The following PRKACB variants were observed in gnomAD, a reference collection of about 807,000 sequenced individuals.
PRKACB encodes the protein cAMP-dependent protein kinase catalytic subunit beta.
PRKACB carries 16 observed loss-of-function variants against 51.4 expected under a neutral mutation model. That is an observed-to-expected ratio of 0.31 (90% CI 0.21 to 0.47). PRKACB has a LOEUF of 0.47. Among genes scored for constraint, PRKACB ranks in the 20% least tolerant of loss-of-function variants. The pLI is 1.00. For synonymous variants in PRKACB, 147 were observed against 154.4 expected (o/e 0.95, Z 0.35); for missense variants, 309 against 464.5 (o/e 0.67, Z 3.08).
chr1:84,187,654 A>C (rs145824665), intron 5 of PRKACB, among the ~76,000 whole-genome samples: 2 of 152,312 alleles, frequency 1.3e-5, no homozygotes, highest in African/African-American at 4.8e-5. Flanking sequence ...AACCTAGAAG[A>C]ATTTAGGACC....
chr1:84,234,020 C>G (rs1458879823), intron 9 of PRKACB, among the ~76,000 whole-genome samples: 2 of 151,594 alleles, frequency 1.3e-5, no homozygotes, highest in Non-Finnish European at 3.0e-5. Flanking sequence ...TTTTTCTGCT[C>G]TGTTTTTTCC....
chr1:84,200,458 C>A (rs1309564962), intron 7 of PRKACB, among the ~76,000 whole-genome samples: 3 of 152,094 alleles, frequency 2.0e-5, no homozygotes, highest in South Asian at 4.1e-4. Flanking sequence ...TTGATAGTTT[C>A]TTTTGCTGTG....
chr1:84,079,918 G>A (rs996048549), intron 1 of PRKACB, among the ~76,000 whole-genome samples: 1 of 151,544 alleles, frequency 6.6e-6, no homozygotes, highest in African/African-American at 2.4e-5. Flanking sequence ...CACCCACCTC[G>A]GCCTCCCAAA....
chr1:84,118,271 G>A (rs146034757), intron 1 of PRKACB, among the ~76,000 whole-genome samples: 1 of 152,138 alleles, frequency 6.6e-6, no homozygotes, highest in African/African-American at 2.4e-5. Flanking sequence ...GTTCTCCATT[G>A]TACTCTAGTG....
intron 8 of PRKACB, among the ~76,000 whole-genome samples, chr1:84,211,863 A>T (rs1280912631): frequency 2.6e-5 from 4 of 152,186 alleles, no homozygotes; most frequent in Non-Finnish European, 5.9e-5. Context: ...GTCAAGAATA[A>T]AACTAGAGAA....
chr1:84,078,711 G>C (rs1647284753), intron 1 of PRKACB, among the ~76,000 whole-genome samples: 1 of 152,194 alleles, frequency 6.6e-6, no homozygotes, highest in Non-Finnish European at 1.5e-5. Flanking sequence ...TCCCACCCCT[G>C]CTTTCCCCCC....
In PRKACB at chr1:84,197,168, T is replaced by G. The variant is rs1668464567; in HGVS notation, c.687+426T>G. On this transcript the variant is annotated intron_variant, in intron 6 of 9. Transcript: ENST00000370685. ...AAATGGTAGAGTCAGAATTTGAACC[T>G]AGGCAGTCTGATCCCAGAGTCCATG... Among the ~76,000 whole-genome samples, 3 of 152,274 alleles carry G rather than the reference T, an allele frequency of 2.0e-5. No individual in the cohort carries two copies. The South Asian group carries it at 6.2e-4, about 32-fold the overall frequency.
chr1:84,166,672 T>C (rs1428142233), intron 1 of PRKACB, among the ~76,000 whole-genome samples: 1 of 151,660 alleles, frequency 6.6e-6, no homozygotes, highest in Non-Finnish European at 1.5e-5. Flanking sequence ...ACAAGAGAAG[T>C]GTGGTTTTAT....
intron 1 of PRKACB, among the ~76,000 whole-genome samples, chr1:84,177,074 T>C (rs1053715016): frequency 6.6e-6 from 1 of 152,060 alleles, no homozygotes; most frequent in African/African-American, 2.4e-5. Flanking sequence ...AAAGTTGTTT[T>C]TTTTACCTTC....
At chr1:84,215,250 C>A (rs180761884) in intron 9 of PRKACB, among the ~76,000 whole-genome samples, 2 of 152,070 alleles carry the variant, frequency 1.3e-5, no homozygotes. Context: ...AGATTTTTTC[C>A]AAATAGTTAT....
At chr1:84,191,283 G>A (rs1220597490) in intron 5 of PRKACB, among the ~76,000 whole-genome samples, 1 of 151,998 alleles carries the variant, frequency 6.6e-6, no homozygotes. Context: ...CACTTGTGCA[G>A]CTTAATTTAG....
chr1:84,146,583 C>T (rs1239119720), intron 1 of PRKACB, among the ~76,000 whole-genome samples: 2 of 151,970 alleles, frequency 1.3e-5, no homozygotes, highest in South Asian at 2.1e-4. Context: ...AAGCAGTTTA[C>T]TTGCATGACT....
intron 1 of PRKACB, among the ~76,000 whole-genome samples, chr1:84,149,341 C>A (rs1654543284): frequency 6.6e-6 from 1 of 151,924 alleles, no homozygotes; most frequent in Non-Finnish European, 1.5e-5. Flanking sequence ...CTCGCTGCAG[C>A]CTCTGCCTCC....
chr1:84,078,696 T>C (rs1222208312), intron 1 of PRKACB, among the ~76,000 whole-genome samples: 1 of 152,176 alleles, frequency 6.6e-6, no homozygotes, highest in Non-Finnish European at 1.5e-5. Context: ...AAGTCCCTAG[T>C]GCCATCCCAC....
chr1:84,231,575 A>C (rs978325683), intron 9 of PRKACB, among the ~76,000 whole-genome samples: 1 of 152,152 alleles, frequency 6.6e-6, no homozygotes, highest in Non-Finnish European at 1.5e-5. Context: ...TTGGTAAGCT[A>C]TTGATTATTG....
chr1:84,119,095 C>T (rs945849888), intron 1 of PRKACB, among the ~76,000 whole-genome samples: 6 of 152,100 alleles, frequency 3.9e-5, no homozygotes, highest in Non-Finnish European at 8.8e-5. Flanking sequence ...TTTTCTCCCT[C>T]TTTCTGTGTT....
intron 3 of PRKACB, among the ~76,000 whole-genome samples, chr1:84,182,855 A>G (rs1284149641): frequency 2.6e-5 from 4 of 152,080 alleles, no homozygotes; most frequent in Non-Finnish European, 5.9e-5. Flanking sequence ...TTATTGTGAC[A>G]ATTATGGACT....
rs1054204489 is a variant in PRKACB at position 84,202,709 on chromosome 1, G to A, written c.810G>A (p.Trp270Ter). The change falls in exon 8 of 10, where the codon TGG becomes TGA. Residue 270 changes from tryptophan to a stop codon, truncating the protein, a stop_gained. Coordinates refer to ENST00000370685, the MANE Select transcript of PRKACB (RefSeq NM_182948.4). LOFTEE classifies it high-confidence loss of function. ...GCTACAATAAGGCAGTGGATTGGTG[G>A]GCATTAGGAGTGCTAATCTATGAAA... ...SKGYNKAVDW[W>*]ALGVLIYEMA... is the part of the protein sequence containing the mutation. 2 of 1,609,558 alleles carry A rather than the reference G, an allele frequency of 1.2e-6. No homozygotes were observed. The highest frequency in any genetic ancestry group is 8.5e-7 in the Non-Finnish European group (1 of 1,176,964).
At chr1:84,142,613 A>G (rs925697727), upstream of PRKACB, among the ~76,000 whole-genome samples, 2 of 152,212 alleles carry the variant, frequency 1.3e-5, no homozygotes, top group Non-Finnish European at 2.9e-5. Context: ...ATTACACAAA[A>G]CAAAGTATAC....
Sources: gnomAD v4.1 joint callset for allele counts (sites outside exome capture counted in the v4.1 genomes callset) on GRCh38, gnomAD v4.1.1 for gene constraint, MANE v1.5 for transcripts, NCBI Gene and HGNC (gene_info 2026-07-23, HGNC 2026-07-21) for gene names.